The following CACNA1E variants were observed in gnomAD, a reference collection of about 807,000 sequenced individuals.
CACNA1E encodes voltage-dependent R-type calcium channel subunit alpha-1E.
CACNA1E carries 40 observed loss-of-function variants against 259.2 expected under a neutral mutation model. The observed-to-expected ratio is 0.15, with a 90% CI of 0.12 to 0.20. CACNA1E has a LOEUF of 0.20. CACNA1E is among the 10% of genes least tolerant of loss of function. The pLI, the probability that CACNA1E is intolerant of heterozygous loss-of-function variation, is 1.00. For missense variants in CACNA1E, 1,874 were observed against 3,040.1 expected (o/e 0.62, Z 9.02); for synonymous variants, 1,104 against 1,138.5 (o/e 0.97, Z 0.61).
At chr1:181,561,513 T>G (rs780839642) in intron 3 of CACNA1E, among the ~76,000 whole-genome samples, 19 of 152,192 alleles carry the variant, frequency 1.2e-4, no homozygotes, top group Non-Finnish European at 2.4e-4. Context: ...TAGTTTTGCC[T>G]TTTCTAGAAT....
intron 6 of CACNA1E, among the ~76,000 whole-genome samples, chr1:181,600,913 A>C (rs1214198374): frequency 2.0e-5 from 3 of 152,144 alleles, no homozygotes; most frequent in African/African-American, 4.8e-5. Flanking sequence ...AGAGAAGAGG[A>C]CCAACGACTT....
At chr1:181,676,212 T>C in intron 7 of CACNA1E, among the ~76,000 whole-genome samples, 1 of 152,202 alleles carries the variant, frequency 6.6e-6, no homozygotes, top group East Asian at 1.9e-4. Flanking sequence ...TAGGTAATGA[T>C]GTTTTTGCCC....
intron 8 of CACNA1E, among the ~76,000 whole-genome samples, chr1:181,714,404 C>A (rs1348357524): frequency 6.6e-6 from 1 of 152,150 alleles, no homozygotes; most frequent in Admixed American, 6.5e-5. Flanking sequence ...GATGTGTTTA[C>A]CAACCCAGAT....
chr1:181,319,728 T>C (rs1490716194), intron 1 of CACNA1E, among the ~76,000 whole-genome samples: 3 of 152,212 alleles, frequency 2.0e-5, no homozygotes, highest in Non-Finnish European at 4.4e-5. Flanking sequence ...CAGATAGAGA[T>C]AAATGATTGC....
At chr1:181,683,026 C>T (rs922768368) in intron 7 of CACNA1E, among the ~76,000 whole-genome samples, 1 of 152,218 alleles carries the variant, frequency 6.6e-6, no homozygotes, top group African/African-American at 2.4e-5. Context: ...TGAATACCTT[C>T]CCCAGTTCCT....
chr1:181,604,383 ATGGTGTT>A (rs1298676539), intron 6 of CACNA1E, among the ~76,000 whole-genome samples: 2 of 152,088 alleles, frequency 1.3e-5, no homozygotes, highest in Non-Finnish European at 2.9e-5. Flanking sequence ...CAAGCTTGAG[ATGGTGTT>A]TTTCATGAAA....
chr1:181,710,845 G>A, intron 7 of CACNA1E, 109 bp from the exon 8 acceptor site: 1 of 773,008 alleles, frequency 1.3e-6, no homozygotes, highest in East Asian at 2.5e-5. Flanking sequence ...GGGTACATGG[G>A]CTTAATAGAG....
intron 1 of CACNA1E, among the ~76,000 whole-genome samples, chr1:181,503,059 A>G (rs752524287): frequency 5.9e-5 from 9 of 152,212 alleles, no homozygotes; most frequent in Non-Finnish European, 1.0e-4. Flanking sequence ...CAGGTTAGGA[A>G]GCAGAGATTT....
chr1:181,322,955 A>G (rs1327194844), intron 1 of CACNA1E, among the ~76,000 whole-genome samples: 1 of 152,212 alleles, frequency 6.6e-6, no homozygotes, highest in Non-Finnish European at 1.5e-5. Flanking sequence ...ACAACTGCGT[A>G]TGGCACGGGA....
intron 3 of CACNA1E, among the ~76,000 whole-genome samples, chr1:181,533,354 C>T (rs1379946918): frequency 2.0e-5 from 3 of 147,838 alleles, no homozygotes; most frequent in Non-Finnish European, 3.0e-5. Context: ...TATGTTTTTC[C>T]GTCACTTCCC....
At chr1:181,517,868 G>T (rs1666709403) in intron 3 of CACNA1E, among the ~76,000 whole-genome samples, 1 of 152,208 alleles carries the variant, frequency 6.6e-6, no homozygotes, top group Non-Finnish European at 1.5e-5. Flanking sequence ...GTTTTCCTCA[G>T]CACTGTCTCT....
intron 1 of CACNA1E, among the ~76,000 whole-genome samples, chr1:181,342,822 C>G (rs766878791): frequency 1.1e-4 from 16 of 152,182 alleles, no homozygotes; most frequent in Non-Finnish European, 1.8e-4. Flanking sequence ...TGTTCTATTT[C>G]TTGACCTTGT....
At chr1:181,322,412 C>T (rs529265238) in intron 1 of CACNA1E, among the ~76,000 whole-genome samples, 1 of 152,300 alleles carries the variant, frequency 6.6e-6, no homozygotes, top group South Asian at 2.1e-4. Flanking sequence ...ATACATGTTA[C>T]AAACTATAAA....
chr1:181,337,330 T>C lies in CACNA1E; in HGVS notation c.-15+19207T>C, dbSNP rs558135153. 2.1e-3 allele frequency among the ~76,000 whole-genome samples: 268 copies of C among 125,574 alleles called. 1 individual carries two copies. Among genetic ancestry groups the C allele is most frequent in the Middle Eastern group, 4.2e-3 (1 of 236 alleles). 82.4% of individuals were successfully genotyped at this position (125,574 alleles called of 152,430 possible). A position where few individuals can be genotyped will look rare whatever the true frequency, so the allele number is the denominator to read the frequency against. ...GCCACCACGCCTGGCTAATTTTTTGTATTTTTTTTTAGTAGAGGCAGGGTT... is the reference window on the plus strand; with the variant it reads ...GCCACCACGCCTGGCTAATTTTTTGCATTTTTTTTTAGTAGAGGCAGGGTT... On this transcript the variant is annotated intron_variant, in intron 1 of 11. Transcript: ENST00000524607.
At chr1:181,337,669 G>A (rs1023851879) in intron 1 of CACNA1E, among the ~76,000 whole-genome samples, 4 of 152,014 alleles carry the variant, frequency 2.6e-5, no homozygotes, top group Non-Finnish European at 4.4e-5. Flanking sequence ...AGTTTCATTC[G>A]TGTTGTCTAA....
chr1:181,567,408 T>A (rs1649953314), intron 3 of CACNA1E, among the ~76,000 whole-genome samples: 2 of 152,106 alleles, frequency 1.3e-5, no homozygotes, highest in Non-Finnish European at 2.9e-5. Context: ...ATAAATTAAC[T>A]CAGAGCCATA....
intron 2 of CACNA1E, among the ~76,000 whole-genome samples, chr1:181,450,724 A>G (rs532609066): frequency 6.6e-5 from 10 of 152,284 alleles, no homozygotes; most frequent in African/African-American, 2.4e-4. Context: ...AGAGCTACTG[A>G]ACAATTGTAG....
rs781008232 is a variant in CACNA1E, at chr1:181,799,544, C to G, written c.*710C>G. The stretch of plus-strand genomic sequence containing the variant: ...GAACTGGTGGTGCTGGGGGGTATAG[C>G]CCCCCATCCTTGAGGCCTGTCACCC... On this transcript the variant is annotated 3_prime_UTR_variant, in exon 48 of 48. Transcript: ENST00000367573. 2 of 152,734 alleles carry G rather than the reference C, an allele frequency of 1.3e-5. No individual in the cohort carries two copies. The highest frequency in any genetic ancestry group is 2.9e-5 in the Non-Finnish European group (2 of 68,158). 9.5% of individuals were successfully genotyped at this position (152,734 alleles called of 1,614,324 possible).
chr1:181,756,410 G>C (rs1267410734), intron 29 of CACNA1E, among the ~76,000 whole-genome samples: 1 of 152,176 alleles, frequency 6.6e-6, no homozygotes, highest in African/African-American at 2.4e-5. Flanking sequence ...GAGAATTCCT[G>C]AGAGCTGTTA....
Sources: gnomAD v4.1 joint callset for allele counts (sites outside exome capture counted in the v4.1 genomes callset) on GRCh38, gnomAD v4.1.1 for gene constraint, MANE v1.5 for transcripts, NCBI Gene and HGNC (gene_info 2026-07-23, HGNC 2026-07-21) for gene names.